MSRA: variants seen among roughly 807,000 people sequenced by gnomAD.
MSRA encodes mitochondrial peptide methionine sulfoxide reductase.
Under a neutral mutation model 31.3 loss-of-function variants are expected in MSRA, and 54 were observed. The observed-to-expected ratio is 1.73, with a 90% CI of 1.39 to 2.17. MSRA has a LOEUF of 2.17. Ranked by LOEUF, MSRA falls within the 30% of genes most tolerant of loss-of-function variation. MSRA has a pLI of 0.00. For missense variants in MSRA, 507 were observed against 300.9 expected (o/e 1.69, Z -5.07); for synonymous variants, 169 against 116.5 (o/e 1.45, Z -2.90).
chr8:10,212,755 G>T (rs1470669017), intron 2 of MSRA, among the ~76,000 whole-genome samples: 2 of 152,152 alleles, frequency 1.3e-5, no homozygotes, highest in Admixed American at 6.5e-5. Context: ...TCCTTAACCA[G>T]TTTGGAGGTG....
intron 5 of MSRA, among the ~76,000 whole-genome samples, chr8:10,386,395 C>G (rs1806393988): frequency 6.6e-6 from 1 of 152,170 alleles, no homozygotes; most frequent in African/African-American, 2.4e-5. Flanking sequence ...AACAGATATA[C>G]CTGAAGCAGG....
At chr8:10,138,551 C>G (rs972815956) in intron 1 of MSRA, among the ~76,000 whole-genome samples, 2 of 152,204 alleles carry the variant, frequency 1.3e-5, no homozygotes, top group Non-Finnish European at 2.9e-5. Flanking sequence ...TCAGTCTTTT[C>G]AGTGACATTC....
intron 5 of MSRA, among the ~76,000 whole-genome samples, chr8:10,368,079 C>A (rs929530742): frequency 1.3e-5 from 2 of 152,124 alleles, no homozygotes; most frequent in African/African-American, 4.8e-5. Context: ...CCTGCCACAG[C>A]AGAGCCAGGC....
rs141467569 is a variant in MSRA, at chr8:10,329,078, A to C, written c.543+9089A>C. Among the ~76,000 whole-genome samples the C allele has an allele frequency of 1.7e-4, 26 of 152,350 alleles. No individual in the cohort carries two copies. In the East Asian group the frequency reaches 5.0e-3, roughly 29 times the overall value. ...CGTACAACATTATTTGGTAGGATTA[A>C]GTCAGTGGGTGATAGATGAAACTGC... On this transcript the variant is annotated intron_variant, in intron 5 of 5. Transcript: ENST00000317173.
chr8:10,224,521 T>C (rs1377080526), intron 2 of MSRA, among the ~76,000 whole-genome samples: 2 of 151,922 alleles, frequency 1.3e-5, no homozygotes, highest in Non-Finnish European at 2.9e-5. Context: ...ATAAAAATTA[T>C]CTGGGTCCCC....
intron 5 of MSRA, among the ~76,000 whole-genome samples, chr8:10,404,978 G>T (rs1224123493): frequency 6.6e-6 from 1 of 152,206 alleles, no homozygotes; most frequent in African/African-American, 2.4e-5. Flanking sequence ...GCTGCCTTAG[G>T]CCACAGTCAC....
chr8:10,393,627 G>A (rs1389212259), intron 5 of MSRA, among the ~76,000 whole-genome samples: 1 of 152,170 alleles, frequency 6.6e-6, no homozygotes, highest in Non-Finnish European at 1.5e-5. Context: ...GGAGTCTTCT[G>A]TGCATGTGAT....
At chr8:10,285,281 A>T (rs1172929366) in intron 3 of MSRA, among the ~76,000 whole-genome samples, 3 of 152,158 alleles carry the variant, frequency 2.0e-5, no homozygotes, top group Non-Finnish European at 4.4e-5. Context: ...ATTTAATTTG[A>T]CAGTATTTTT....
At chr8:10,162,333 C>G (rs577199387) in intron 1 of MSRA, among the ~76,000 whole-genome samples, 4 of 152,298 alleles carry the variant, frequency 2.6e-5, no homozygotes, top group African/African-American at 9.6e-5. Flanking sequence ...CTCTTTCTCT[C>G]CTTGCACCAT....
intron 1 of MSRA, among the ~76,000 whole-genome samples, chr8:10,183,085 C>T (rs1268354885): frequency 6.6e-6 from 1 of 152,174 alleles, no homozygotes; most frequent in Admixed American, 6.5e-5. Flanking sequence ...CTATAGCTGA[C>T]CATGTTAGGA....
intron 3 of MSRA, among the ~76,000 whole-genome samples, chr8:10,261,218 A>G (rs1158595759): frequency 3.9e-5 from 6 of 152,212 alleles, no homozygotes; most frequent in South Asian, 2.1e-4. Context: ...TTAAGTTGCT[A>G]TTTACTCAAT....
intron 4 of MSRA, among the ~76,000 whole-genome samples, chr8:10,305,879 A>G (rs987789161): frequency 6.6e-6 from 1 of 152,244 alleles, no homozygotes; most frequent in Non-Finnish European, 1.5e-5. Context: ...GGAATGACAG[A>G]CATGCTAGCA....
intron 5 of MSRA, among the ~76,000 whole-genome samples, chr8:10,401,370 C>T (rs1476304079): frequency 6.6e-6 from 1 of 152,054 alleles, no homozygotes; most frequent in African/African-American, 2.4e-5. Context: ...CACTTCAGAC[C>T]CATTAGGACG....
chr8:10,056,408 A>G (rs1271097111), intron 1 of MSRA, among the ~76,000 whole-genome samples: 3 of 151,926 alleles, frequency 2.0e-5, no homozygotes, highest in Non-Finnish European at 2.9e-5. Flanking sequence ...TCTTATCCCC[A>G]TCATAACTTT....
chr8:10,242,432 G>T (rs1221004205), intron 2 of MSRA, among the ~76,000 whole-genome samples: 2 of 152,164 alleles, frequency 1.3e-5, no homozygotes, highest in Non-Finnish European at 2.9e-5. Context: ...TTTCTGTTGG[G>T]ATTGGAGTGT....
At chr8:10,323,133 G>A (rs997035656) in intron 5 of MSRA, among the ~76,000 whole-genome samples, 1 of 149,042 alleles carries the variant, frequency 6.7e-6, no homozygotes, top group Non-Finnish European at 1.5e-5. Context: ...CTTAGTACCC[G>A]AGGAACTGAT....
At chr8:10,322,612 C>A (rs1266294676) in intron 5 of MSRA, among the ~76,000 whole-genome samples, 1 of 152,130 alleles carries the variant, frequency 6.6e-6, no homozygotes, top group South Asian at 2.1e-4. Context: ...GAGCCATGGG[C>A]TGTTTCTGCC....
At chr8:10,312,361 C>A (rs1488201000) in intron 4 of MSRA, among the ~76,000 whole-genome samples, 1 of 152,072 alleles carries the variant, frequency 6.6e-6, no homozygotes, top group Non-Finnish European at 1.5e-5. Flanking sequence ...TTACAGAAAC[C>A]AGGAAGATAT....
chr8:10,401,992 T>A (rs1475323540), intron 5 of MSRA, among the ~76,000 whole-genome samples: 5 of 152,212 alleles, frequency 3.3e-5, no homozygotes, highest in Non-Finnish European at 7.3e-5. Flanking sequence ...TGCACAGCAC[T>A]GTAAATGTAC....
Sources: allele counts gnomAD v4.1 joint callset (sites outside exome capture counted in the v4.1 genomes callset), GRCh38; gene constraint gnomAD v4.1.1; transcripts MANE v1.5; gene names NCBI Gene and HGNC (gene_info 2026-07-23, HGNC 2026-07-21).